The following REPS1 variants were observed in gnomAD, a reference collection of about 807,000 sequenced individuals.
The protein encoded by REPS1 is ralBP1-associated Eps domain-containing protein 1.
In REPS1, 39 loss-of-function variants were observed where a neutral mutation model predicts 100.9. The observed-to-expected ratio is 0.39, with a 90% CI of 0.30 to 0.50. The LOEUF is 0.50. Ranked by LOEUF, REPS1 falls within the 20% of genes least tolerant of loss-of-function variation. The pLI, the probability that REPS1 is intolerant of heterozygous loss-of-function variation, is 0.86. For missense variants in REPS1, 821 were observed against 968.5 expected (o/e 0.85, Z 2.02); for synonymous variants, 324 against 340.3 (o/e 0.95, Z 0.53).
intron 19 of REPS1, 180 bp downstream of exon 19, chr6:138,907,315 T>A (rs945153517): frequency 0.066 from 9,918 of 151,234 alleles, 430 homozygotes; most frequent in African/African-American, 0.31. Context: ...AAAAAAAAAG[T>A]GTGTGTGTGT....
chr6:138,985,290 T>G (rs1338284208), intron 1 of REPS1, among the ~76,000 whole-genome samples: 1 of 152,162 alleles, frequency 6.6e-6, no homozygotes, highest in Non-Finnish European at 1.5e-5. Context: ...TCCTTAGCAT[T>G]TCATAACACT....
chr6:138,943,705 C>A, intron 6 of REPS1, 129 bp from the exon 7 acceptor site: 1 of 1,003,646 alleles, frequency 1.0e-6, no homozygotes. Flanking sequence ...ATGTTTTTGG[C>A]CCCCAGTGAT....
chr6:138,971,776 T>C (rs1477877822), intron 1 of REPS1, among the ~76,000 whole-genome samples: 2 of 152,152 alleles, frequency 1.3e-5, no homozygotes, highest in African/African-American at 2.4e-5. Flanking sequence ...GTACCCATAG[T>C]GCTAGGCAGT....
At chr6:138,960,919 GTTC>G (rs1478033938) in intron 1 of REPS1, among the ~76,000 whole-genome samples, 1 of 152,124 alleles carries the variant, frequency 6.6e-6, no homozygotes, top group African/African-American at 2.4e-5. Context: ...GCAGATAAAA[GTTC>G]TTTAAAACTA....
chr6:138,945,131 G>A, intron 4 of REPS1, 88 bp downstream of exon 4: 1 of 1,188,222 alleles, frequency 8.4e-7, no homozygotes, highest in Non-Finnish European at 1.2e-6. Context: ...CTACTCAGGA[G>A]GCTGAGGCAG....
intron 1 of REPS1, among the ~76,000 whole-genome samples, chr6:138,955,359 G>A (rs1452645850): frequency 6.7e-6 from 1 of 150,108 alleles, no homozygotes; most frequent in African/African-American, 2.5e-5. Flanking sequence ...GAGGTAGGAA[G>A]ATCATTTGAG....
At chr6:138,915,624 T>C (rs185297326) in intron 14 of REPS1, among the ~76,000 whole-genome samples, 20 of 152,076 alleles carry the variant, frequency 1.3e-4, no homozygotes, top group Admixed American at 1.2e-3. Context: ...GGCTAATTTT[T>C]GTATTTTTAG....
chr6:138,988,115 C>T lies in REPS1; in HGVS notation c.-433G>A, dbSNP rs1785387562. 3 of 397,990 alleles carry T rather than the reference C, an allele frequency of 7.5e-6. No individual in the cohort carries two copies. Among genetic ancestry groups the T allele is most frequent in the Non-Finnish European group, 1.3e-5 (3 of 225,720 alleles). The allele number at this position is 397,990 out of a possible 1,614,324, so 24.7% of individuals were successfully genotyped here. ...CCTTCCGTCCACGCCTCCGGAGCGGCAGCGCTTCCCGGAAAGTTGTGGGGC... is the reference window on the plus strand; with the variant it reads ...CCTTCCGTCCACGCCTCCGGAGCGGTAGCGCTTCCCGGAAAGTTGTGGGGC... On this transcript the variant is annotated 5_prime_UTR_variant, in exon 1 of 20. Coordinates refer to ENST00000450536, the MANE Select transcript of REPS1 (RefSeq NM_001286611.2).
chr6:138,940,896 G>T (rs2698742), intron 8 of REPS1, among the ~76,000 whole-genome samples: 144,064 of 152,274 alleles, frequency 0.95, 68,211 homozygotes, highest in East Asian at 1. Flanking sequence ...AGGAGAGAGC[G>T]TGGTATTTTA....
intron 15 of REPS1, 98 bp from the exon 16 acceptor site, chr6:138,913,048 G>C: frequency 1.1e-6 from 1 of 915,144 alleles, no homozygotes; most frequent in Non-Finnish European, 1.6e-6. Flanking sequence ...ATATAAAGAT[G>C]ACCTGTTTTA....
rs1438829368 is a variant in REPS1 at position 138,929,282 on chromosome 6, T to C, written c.1257+695A>G. 3.3e-5 allele frequency: 5 copies of C among 152,218 alleles called. No homozygotes were observed. The East Asian group carries it at 7.7e-4, about 23-fold the overall frequency. 9.4% of individuals were successfully genotyped at this position (152,218 alleles called of 1,614,324 possible). ...AACAGAGGGGCCTAAGCAGGTGTTT[T>C]AGGGGAGGCAGGGCCTCAGGTCCTC... On this transcript the variant is annotated intron_variant, in intron 9 of 19. Coordinates refer to ENST00000450536, the MANE Select transcript of REPS1 (RefSeq NM_001286611.2).
intron 7 of REPS1, 128 bp downstream of exon 7, chr6:138,943,385 G>A (rs930162527): frequency 9.1e-6 from 5 of 548,648 alleles, no homozygotes; most frequent in Non-Finnish European, 3.3e-6. Flanking sequence ...CTATTGTAAG[G>A]CAATACTGAG....
At chr6:138,958,179 A>T (rs1389526987) in intron 1 of REPS1, among the ~76,000 whole-genome samples, 1 of 152,210 alleles carries the variant, frequency 6.6e-6, no homozygotes, top group African/African-American at 2.4e-5. Context: ...TAACTGATAA[A>T]CCTACATAAA....
At chr6:138,966,197 G>A (rs561285977) in intron 1 of REPS1, among the ~76,000 whole-genome samples, 1 of 152,200 alleles carries the variant, frequency 6.6e-6, no homozygotes, top group East Asian at 1.9e-4. Context: ...AGAATACAGT[G>A]GAGCTCTCAA....
chr6:138,915,997 T>A, intron 13 of REPS1, 21 bp from the exon 14 acceptor site: 1 of 1,530,864 alleles, frequency 6.5e-7, no homozygotes. Flanking sequence ...CACCCCATGA[T>A]AATTGGTCAT....
intron 8 of REPS1, among the ~76,000 whole-genome samples, chr6:138,938,303 T>C (rs536420014): frequency 6.6e-6 from 1 of 152,208 alleles, no homozygotes; most frequent in Non-Finnish European, 1.5e-5. Flanking sequence ...TGCATGCCTA[T>C]AGAAAGCCTA....
At chr6:138,934,405 G>A (rs747283610) in intron 8 of REPS1, 7 of 458,942 alleles carry the variant, frequency 1.5e-5, no homozygotes, top group Non-Finnish European at 2.3e-5. Flanking sequence ...GTATTTCCAC[G>A]TACAAAAGTG....
At chr6:138,963,441 T>C (rs1394277976) in intron 1 of REPS1, among the ~76,000 whole-genome samples, 4 of 152,172 alleles carry the variant, frequency 2.6e-5, no homozygotes, top group Non-Finnish European at 4.4e-5. Context: ...AGGCACTTAA[T>C]ACCTATTGAA....
chr6:138,943,618 T>TAA (rs761391794), intron 6 of REPS1, 42 bp from the exon 7 acceptor site: 13 of 1,407,936 alleles, frequency 9.2e-6, no homozygotes, highest in Admixed American at 1.8e-5. Flanking sequence ...ATTCTGAACT[T>TAA]ACGGATCCAC....
Sources: gnomAD v4.1 joint callset for allele counts (sites outside exome capture counted in the v4.1 genomes callset) on GRCh38, gnomAD v4.1.1 for gene constraint, MANE v1.5 for transcripts, NCBI Gene and HGNC (gene_info 2026-07-23, HGNC 2026-07-21) for gene names.